Variants in JPH1 observed in about 807,000 individuals in gnomAD.
JPH1 encodes junctophilin 1.
JPH1 carries 12 observed loss-of-function variants against 53.6 expected under a neutral mutation model. That is an observed-to-expected ratio of 0.22 (90% CI 0.14 to 0.36). JPH1 has a LOEUF of 0.36. Ranked by LOEUF, JPH1 falls within the 10% of genes least tolerant of loss-of-function variation. The pLI is 1.00. For synonymous variants in JPH1, 375 were observed against 363.8 expected, an observed-to-expected ratio of 1.03 and a Z score of -0.35; for missense variants, 808 against 905.5, an observed-to-expected ratio of 0.89 and a Z score of 1.38.
In JPH1 at chr8:74,307,556, A is replaced by T. The variant is rs74359376; in HGVS notation, c.1139+7305T>A. 1.7e-3 allele frequency among the ~76,000 whole-genome samples: 261 copies of T among 152,370 alleles called. 2 individuals carry two copies. The highest frequency in any genetic ancestry group is 6.2e-3 in the African/African-American group (256 of 41,596). On this transcript the variant is annotated intron_variant, in intron 2 of 5. Coordinates refer to ENST00000342232, the MANE Select transcript of JPH1 (RefSeq NM_020647.4). ...ATAACTAATGCTTTCCTTAGCAATA[A>T]ATGCCCACATTTTAGGTGATTTTGT...
chr8:74,281,686 T>TGTG (rs888317544), intron 2 of JPH1, among the ~76,000 whole-genome samples: 57 of 152,320 alleles, frequency 3.7e-4, no homozygotes, highest in Admixed American at 3.4e-3. Flanking sequence ...ATCTGTCCTG[T>TGTG]GTGGTTAGTG....
intron 3 of JPH1, among the ~76,000 whole-genome samples, chr8:74,252,502 C>A (rs549275813): frequency 1.3e-5 from 2 of 152,116 alleles, no homozygotes; most frequent in African/African-American, 4.8e-5. Context: ...AGCAAAATAA[C>A]CAGCTAACAT....
intron 2 of JPH1, among the ~76,000 whole-genome samples, chr8:74,298,401 C>T (rs1586766303): frequency 6.6e-6 from 1 of 152,094 alleles, no homozygotes; most frequent in African/African-American, 2.4e-5. Flanking sequence ...TATTCATGTC[C>T]TTTATGATCT....
intron 2 of JPH1, among the ~76,000 whole-genome samples, chr8:74,303,253 T>A (rs1181695124): frequency 2.6e-5 from 4 of 152,186 alleles, no homozygotes; most frequent in African/African-American, 9.7e-5. Flanking sequence ...AATCTCTGAG[T>A]TCCAAATACA....
intron 4 of JPH1, among the ~76,000 whole-genome samples, chr8:74,243,633 C>T (rs1168911685): frequency 6.6e-6 from 1 of 152,182 alleles, no homozygotes; most frequent in Non-Finnish European, 1.5e-5. Flanking sequence ...CTAGTGAATA[C>T]TAGGTGTGTA....
At chr8:74,314,754 G>C in intron 2 of JPH1, 107 bp downstream of exon 2, 2 of 1,275,628 alleles carry the variant, frequency 1.6e-6, no homozygotes, top group Admixed American at 2.2e-5. Flanking sequence ...TTTTTTAGTA[G>C]TTGTAGAAAG....
Position 74,245,186 on chromosome 8 carries a change from AAAAAAG to A in JPH1, c.1259-17_1259-12del. The stretch of plus-strand genomic sequence containing the variant: ...TGACGTAATCAGGGCCTGGCCAAAA[AAAAAAG>A]AAAAAAGAAAAAAAGAAAGGAGGTA... On this transcript the variant is annotated splice_polypyrimidine_tract_variant and intron_variant, in intron 3 of 5. Coordinates refer to ENST00000342232, the MANE Select transcript of JPH1 (RefSeq NM_020647.4). The A allele has an allele frequency of 6.5e-7, 1 of 1,544,844 alleles. No homozygotes were observed. Among genetic ancestry groups the A allele is most frequent in the Non-Finnish European group, 8.7e-7 (1 of 1,154,824 alleles).
rs1563408665 is a variant in JPH1, at chr8:74,278,993, A to ATG, written c.1140-19491_1140-19490insCA. On this transcript the variant is annotated intron_variant, in intron 2 of 5. Coordinates refer to ENST00000342232, the MANE Select transcript of JPH1 (RefSeq NM_020647.4). ...GAAACACACACGCACACGCGCGCAC[A>ATG]CACACACACACACGCATACACACAC... 6.6e-4 allele frequency among the ~76,000 whole-genome samples: 57 copies of ATG among 86,166 alleles called. 1 individual carries two copies. The Middle Eastern group carries it at 0.015, about 23-fold the overall frequency. 56.5% of individuals were successfully genotyped at this position (86,166 alleles called of 152,430 possible).
chr8:74,317,344 T>G (rs73343377), intron 1 of JPH1, among the ~76,000 whole-genome samples: 3,246 of 152,330 alleles, frequency 0.021, 75 homozygotes, highest in African/African-American at 0.058. Flanking sequence ...TGTGAAGTCT[T>G]AACTTGACAT....
intron 3 of JPH1, among the ~76,000 whole-genome samples, chr8:74,249,135 G>A (rs1805957806): frequency 6.6e-6 from 1 of 152,148 alleles, no homozygotes; most frequent in Non-Finnish European, 1.5e-5. Context: ...GAACAGATAT[G>A]GCAGATGGTG....
intron 2 of JPH1, among the ~76,000 whole-genome samples, chr8:74,290,728 C>T (rs1009031879): frequency 6.6e-6 from 1 of 152,216 alleles, no homozygotes; most frequent in African/African-American, 2.4e-5. Flanking sequence ...TGACTTCAAA[C>T]TATACTACCA....
In JPH1 at chr8:74,245,120, T is replaced by C. The variant is rs775477828; in HGVS notation, c.1314A>G (p.Pro438=). ...FQEGVDAKEN[P]EEKVPEKPPT... is the part of the protein sequence containing the mutation. ...GTGGCTTTTCTGGTACCTTTTCTTC[T>C]GGATTTTCTTTAGCATCTACACCTT... Residue 438 remains proline (P), a synonymous_variant, in exon 4 of 6, where the codon CCA becomes CCG. Transcript: ENST00000342232. The C allele has an allele frequency of 1.2e-6, 2 of 1,611,014 alleles. No homozygotes were observed. Among genetic ancestry groups the C allele is most frequent in the Non-Finnish European group, 1.7e-6 (2 of 1,179,478 alleles).
In JPH1 at chr8:74,315,652, C is replaced by CG. The variant is rs1340025722; in HGVS notation, c.380-33dup. 2 of 1,558,716 alleles carry CG rather than the reference C, an allele frequency of 1.3e-6. No homozygotes were observed. The highest frequency in any genetic ancestry group is 1.8e-5 in the Admixed American group (1 of 54,200). On this transcript the variant is annotated intron_variant, in intron 1 of 5. Coordinates refer to ENST00000342232, the MANE Select transcript of JPH1 (RefSeq NM_020647.4). This position sits in a 1 kb window ranked among gnomAD's most constrained non-coding sequence, Gnocchi z 6.3. ...GAGACCGCAAGAAAGCACCGTGAGT[C>CG]GGGGGCAGAGCTGCACCGTCACCTG... is the stretch of plus-strand genomic sequence containing the variant.
chr8:74,312,606 G>A (rs971923821), intron 2 of JPH1, among the ~76,000 whole-genome samples: 3 of 152,168 alleles, frequency 2.0e-5, no homozygotes, highest in African/African-American at 7.2e-5. Flanking sequence ...CAGTGTTGTA[G>A]TGCAGATCTA....
intron 3 of JPH1, among the ~76,000 whole-genome samples, chr8:74,251,129 C>A (rs1040811028): frequency 1.3e-5 from 2 of 152,208 alleles, no homozygotes; most frequent in Admixed American, 6.5e-5. Context: ...TAGTTCCCTG[C>A]ATCCTTCCCC....
At position 74,280,750 on chromosome 8, in the gene JPH1, T is replaced by C. The variant is rs997102264; in HGVS notation, c.1140-21247A>G. On this transcript the variant is annotated intron_variant, in intron 2 of 5. Coordinates refer to ENST00000342232, the MANE Select transcript of JPH1 (RefSeq NM_020647.4). ...AAATGTGGAAATTAAAAACTGAATATTTATATAAGACTATAGCATGCATGA... is the reference window on the plus strand; with the variant it reads ...AAATGTGGAAATTAAAAACTGAATACTTATATAAGACTATAGCATGCATGA... 3.3e-5 allele frequency among the ~76,000 whole-genome samples: 5 copies of C among 152,300 alleles called. No individual in the cohort carries two copies. In the East Asian group the frequency reaches 9.7e-4, roughly 29 times the overall value.
chr8:74,306,366 T>C (rs1167400751), intron 2 of JPH1, among the ~76,000 whole-genome samples: 3 of 152,158 alleles, frequency 2.0e-5, no homozygotes, highest in Non-Finnish European at 4.4e-5. Context: ...ATGTCTTTCT[T>C]TAAAGAGCCC....
At chr8:74,310,769 G>A (rs16938870) in intron 2 of JPH1, among the ~76,000 whole-genome samples, 1 of 152,182 alleles carries the variant, frequency 6.6e-6, no homozygotes, top group African/African-American at 2.4e-5. Flanking sequence ...TTTTCCCTTA[G>A]AGCCAACTTG....
intron 1 of JPH1, among the ~76,000 whole-genome samples, chr8:74,317,128 G>T (rs2131468151): frequency 6.6e-6 from 1 of 152,258 alleles, no homozygotes. Context: ...AAATGCTAGT[G>T]GTTTTATATA....
Sources: gnomAD v4.1 joint callset for allele counts (sites outside exome capture counted in the v4.1 genomes callset) on GRCh38, gnomAD v4.1.1 for gene constraint, Gnocchi (gnomAD v3.1) non-coding constraint, MANE v1.5 for transcripts, NCBI Gene and HGNC (gene_info 2026-07-23, HGNC 2026-07-21) for gene names.